Variants in GTF2IRD1 observed in about 807,000 individuals in gnomAD.
GTF2IRD1 encodes the protein GTF2I repeat domain containing 1, also known as general transcription factor II-I repeat domain-containing protein 1.
Under a neutral mutation model 113.2 loss-of-function variants are expected in GTF2IRD1, and 26 were observed. The observed-to-expected ratio is 0.23, with a 90% CI of 0.17 to 0.32. The LOEUF is 0.32. Among genes scored for constraint, GTF2IRD1 ranks in the 10% least tolerant of loss-of-function variants. The probability of loss-of-function intolerance (pLI) is 1.00; values close to 1 mark genes in which losing one functional copy is unlikely to be tolerated. For synonymous variants in GTF2IRD1, 484 were observed against 529.1 expected (o/e 0.91, Z 1.17); for missense variants, 864 against 1,280.8 (o/e 0.67, Z 4.97).
rs782672796 is a variant in GTF2IRD1, at chr7:74,515,521, C to T, written c.346C>T (p.Arg116Trp). Residue 116 changes from arginine to tryptophan, a missense_variant, in exon 4 of 27, where the codon CGG (arginine) becomes TGG (tryptophan). Transcript: ENST00000424337. ...RGEGGGRSLPRSSLEHGSDVY... is the reference protein window; with the variant it reads ...RGEGGGRSLPWSSLEHGSDVY... The stretch of plus-strand genomic sequence containing the variant: ...CGAGGGTGGAGGCCGTAGCCTCCCT[C>T]GGTCCTCCCTGGAACATGGCTCAGA... The T allele has an allele frequency of 2.5e-6, 4 of 1,613,794 alleles. No individual in the cohort carries two copies. The highest frequency in any genetic ancestry group is 2.2e-5 in the East Asian group (1 of 44,872).
chr7:74,518,097 G>A (rs190412619), intron 4 of GTF2IRD1, 42 bp from the exon 5 acceptor site: 3 of 1,372,672 alleles, frequency 2.2e-6, no homozygotes, highest in South Asian at 3.2e-5. Flanking sequence ...CAGCCTGGCT[G>A]CCCTCTCATA....
At chr7:74,463,729 T>G (rs1412600760) in intron 1 of GTF2IRD1, among the ~76,000 whole-genome samples, 5 of 142,590 alleles carry the variant, frequency 3.5e-5, no homozygotes, top group Non-Finnish European at 6.2e-5. Context: ...TTGTTTTTTG[T>G]TTTTTTTTTT....
At chr7:74,538,044 C>T (rs1304810018) in intron 11 of GTF2IRD1, 92 bp from the exon 12 acceptor site, 17 of 1,279,986 alleles carry the variant, frequency 1.3e-5, no homozygotes, top group African/African-American at 2.9e-5. Context: ...CAGTGGCGCC[C>T]GCGGTGGGCC....
At chr7:74,549,625 G>A (rs1475744914) in intron 17 of GTF2IRD1, among the ~76,000 whole-genome samples, 1 of 152,092 alleles carries the variant, frequency 6.6e-6, no homozygotes, top group African/African-American at 2.4e-5. Flanking sequence ...CCACATGCCC[G>A]GTGTGTCTGG....
At position 74,602,591 on chromosome 7, in the gene GTF2IRD1, G is replaced by GAA. The variant is rs56797334; in HGVS notation, c.*171_*172dup. On this transcript the variant is annotated 3_prime_UTR_variant, in exon 27 of 27. Transcript: ENST00000424337. ...AGGCCTTTTTAAATAAGTAAAAAAAGAAAAAAAAAAAAAAGAGTGTTGCCT... is the reference window on the plus strand; with the variant it reads ...AGGCCTTTTTAAATAAGTAAAAAAAGAAAAAAAAAAAAAAAAGAGTGTTGCCT... The GAA allele has an allele frequency of 2.0e-4, 76 of 371,884 alleles. No homozygotes were observed. Among genetic ancestry groups the GAA allele is most frequent in the South Asian group, 4.1e-4 (8 of 19,564 alleles). 23.0% of individuals were successfully genotyped at this position (371,884 alleles called of 1,614,324 possible).
chr7:74,518,837 G>C (rs587730884), intron 5 of GTF2IRD1, among the ~76,000 whole-genome samples: 1 of 152,122 alleles, frequency 6.6e-6, no homozygotes, highest in Non-Finnish European at 1.5e-5. Flanking sequence ...GCAGTGAGCT[G>C]TGATTGCGTC....
At chr7:74,526,882 A>G (rs955909372) in intron 8 of GTF2IRD1, among the ~76,000 whole-genome samples, 2 of 152,158 alleles carry the variant, frequency 1.3e-5, no homozygotes, top group African/African-American at 4.8e-5. Context: ...GTGACATCTC[A>G]GTGGGATCTG....
Position 74,589,847 on chromosome 7 carries a change from G to A in GTF2IRD1, c.2321-4G>A, listed in dbSNP as rs1801948648. The A allele has an allele frequency of 6.3e-7, 1 of 1,593,448 alleles. No homozygotes were observed. The highest frequency in any genetic ancestry group is 1.3e-5 in the African/African-American group (1 of 74,662). On this transcript the variant is annotated splice_polypyrimidine_tract_variant and splice_region_variant and intron_variant, in intron 22 of 26. Coordinates refer to ENST00000424337, the MANE Select transcript of GTF2IRD1 (RefSeq NM_005685.4). ...TCTCATGCCCCCTTGTCTTCCTCTT[G>A]TAGATGAAGATGACGCCAACAGACT...
At chr7:74,544,367 G>A (rs1240472158) in intron 14 of GTF2IRD1, among the ~76,000 whole-genome samples, 2 of 152,058 alleles carry the variant, frequency 1.3e-5, no homozygotes, top group African/African-American at 4.8e-5. Flanking sequence ...TGTATTTTTA[G>A]TAGAGACAGC....
At chr7:74,503,288 G>A (rs1796131676) in intron 1 of GTF2IRD1, among the ~76,000 whole-genome samples, 1 of 152,158 alleles carries the variant, frequency 6.6e-6, no homozygotes, top group Non-Finnish European at 1.5e-5. Flanking sequence ...GCTACCAGCC[G>A]TCCTTGCTTC....
intron 1 of GTF2IRD1, among the ~76,000 whole-genome samples, chr7:74,493,989 TGGG>T (rs1554337350): frequency 6.6e-6 from 1 of 152,090 alleles, no homozygotes; most frequent in African/African-American, 2.4e-5. Context: ...TGCCCCCTCT[TGGG>T]GGGTACAGCA....
intron 1 of GTF2IRD1, among the ~76,000 whole-genome samples, chr7:74,461,127 C>T (rs1036390022): frequency 2.6e-5 from 4 of 152,296 alleles, no homozygotes; most frequent in South Asian, 2.1e-4. Flanking sequence ...GGTGTGACCC[C>T]GTGGGGATGC....
chr7:74,573,350 C>T (rs587720143), intron 22 of GTF2IRD1, among the ~76,000 whole-genome samples: 3 of 150,942 alleles, frequency 2.0e-5, no homozygotes, highest in Middle Eastern at 3.4e-3. Context: ...TGTGGTGAGC[C>T]GTGATCGTGC....
chr7:74,586,720 G>A (rs1554367943), intron 22 of GTF2IRD1, among the ~76,000 whole-genome samples: 1 of 152,208 alleles, frequency 6.6e-6, no homozygotes, highest in Non-Finnish European at 1.5e-5. Flanking sequence ...CCTCCATTCT[G>A]GCAGCTTGCG....
At chr7:74,518,112 G>GCCCCCCT (rs1797058743) in intron 4 of GTF2IRD1, 27 bp from the exon 5 acceptor site, 2 of 1,449,864 alleles carry the variant, frequency 1.4e-6, no homozygotes, top group African/African-American at 2.8e-5. Context: ...CTCATACCAG[G>GCCCCCCT]CCCCTCTCCT....
chr7:74,499,729 C>CACACCAAGGGATGAATGAATGCAT (rs1795923143), intron 1 of GTF2IRD1, among the ~76,000 whole-genome samples: 1 of 151,736 alleles, frequency 6.6e-6, no homozygotes, highest in Non-Finnish European at 1.5e-5. Context: ...AATTAATGCA[C>CACACCAAGGGATGAATGAATGCAT]ACACCAAGGG....
chr7:74,583,762 T>G (rs1342412654), intron 22 of GTF2IRD1, among the ~76,000 whole-genome samples: 3 of 152,268 alleles, frequency 2.0e-5, no homozygotes. Flanking sequence ...CAGGCAAGAC[T>G]TGGAAGGAAG....
chr7:74,582,768 T>C (rs587676751), intron 22 of GTF2IRD1, among the ~76,000 whole-genome samples: 159 of 152,246 alleles, frequency 1.0e-3, no homozygotes, highest in African/African-American at 3.7e-3. Flanking sequence ...TATGCAGGCA[T>C]TCAAGCAGGG....
At chr7:74,540,099 G>T (rs371725799) in intron 14 of GTF2IRD1, 131 bp downstream of exon 14, 1 of 623,758 alleles carries the variant, frequency 1.6e-6, no homozygotes, top group Admixed American at 2.8e-5. Context: ...CCCAATATAT[G>T]CCTGACCCTA....
Sources: allele counts gnomAD v4.1 joint callset (sites outside exome capture counted in the v4.1 genomes callset), GRCh38; gene constraint gnomAD v4.1.1; transcripts MANE v1.5; gene names NCBI Gene and HGNC (gene_info 2026-07-23, HGNC 2026-07-21).